Variants in ITPR2 observed in about 807,000 individuals in gnomAD.
The protein encoded by ITPR2 is inositol 1,4,5-trisphosphate receptor type 2.
ITPR2 carries 207 observed loss-of-function variants against 317.1 expected under a neutral mutation model. That is an observed-to-expected ratio of 0.65 (90% confidence interval 0.58 to 0.73). ITPR2 has a LOEUF of 0.73. ITPR2 is among the 30% of genes least tolerant of loss of function. The pLI, the probability that ITPR2 is intolerant of heterozygous loss-of-function variation, is 0.00. For missense variants in ITPR2, 2,613 were observed against 3,284.0 expected (o/e 0.80, Z 4.99); for synonymous variants, 1,156 against 1,149.1 (o/e 1.01, Z -0.12).
chr12:26,621,445 G>A (rs1946492429), intron 25 of ITPR2, 149 bp from the exon 26 acceptor site: 2 of 453,470 alleles, frequency 4.4e-6, no homozygotes, highest in South Asian at 1.5e-4. Flanking sequence ...TTTTTTAAGT[G>A]AGCCCTAGCA....
intron 13 of ITPR2, among the ~76,000 whole-genome samples, chr12:26,675,734 G>C (rs930450290): frequency 3.3e-5 from 5 of 149,924 alleles, no homozygotes; most frequent in African/African-American, 1.2e-4. Flanking sequence ...AAAATTACCA[G>C]TGAAGAATAA....
chr12:26,396,924 T>C (rs1413851036), intron 54 of ITPR2, among the ~76,000 whole-genome samples: 1 of 152,166 alleles, frequency 6.6e-6, no homozygotes, highest in Non-Finnish European at 1.5e-5. Flanking sequence ...AGATTTTATC[T>C]CCTAAATATT....
chr12:26,541,634 T>C lies in ITPR2; in HGVS notation c.5073+8613A>G, dbSNP rs1944265042. ...CTAGAAACTGAAATGAGTATATGCA[T>C]AGATGTGAATGATTCTATACAGATT... On this transcript the variant is annotated intron_variant, in intron 37 of 56. Transcript: ENST00000381340. 2.0e-5 allele frequency among the ~76,000 whole-genome samples: 3 copies of C among 152,196 alleles called. No individual in the cohort carries two copies. In the South Asian group the frequency reaches 6.2e-4, roughly 31 times the overall value.
chr12:26,381,959 C>T (rs1435447119), intron 55 of ITPR2, among the ~76,000 whole-genome samples: 1 of 152,118 alleles, frequency 6.6e-6, no homozygotes, highest in East Asian at 1.9e-4. Context: ...AAAATGACCC[C>T]AAAATGTTAG....
chr12:26,768,994 A>AACACACACACACACACAC (rs143843238), intron 2 of ITPR2, among the ~76,000 whole-genome samples: 36 of 96,906 alleles, frequency 3.7e-4, no homozygotes, highest in East Asian at 9.0e-4. Context: ...CATCCAGTAG[A>AACACACACACACACACAC]ACACACACAC....
chr12:26,745,546 C>T (rs907332425), intron 2 of ITPR2, among the ~76,000 whole-genome samples: 1 of 152,210 alleles, frequency 6.6e-6, no homozygotes, highest in Non-Finnish European at 1.5e-5. Flanking sequence ...CGCTTGAACT[C>T]CTTCCTTAGA....
intron 33 of ITPR2, among the ~76,000 whole-genome samples, chr12:26,579,415 T>C (rs1945343724): frequency 6.6e-6 from 1 of 152,200 alleles, no homozygotes; most frequent in Middle Eastern, 3.2e-3. Context: ...ATTTACTCCC[T>C]GAGTTTTTTT....
rs149999958 is a variant in ITPR2, at chr12:26,718,768, C to A, written c.526-2526G>T. Reference sequence around the variant, plus strand: ...GGGATCACACGTGTGTGCACCATCACACCCAGCTAATTTTTGTATTTTTAG... The same window carrying A: ...GGGATCACACGTGTGTGCACCATCAAACCCAGCTAATTTTTGTATTTTTAG... On this transcript the variant is annotated intron_variant, in intron 5 of 56. Transcript: ENST00000381340. Among the ~76,000 whole-genome samples, 896 of 152,000 alleles carry A rather than the reference C, an allele frequency of 5.9e-3. 15 individuals carry two copies. Among genetic ancestry groups the A allele is most frequent in the African/African-American group, 0.02 (850 of 41,464 alleles).
At chr12:26,531,684 A>ACACAC (rs763717150) in intron 37 of ITPR2, among the ~76,000 whole-genome samples, 18 of 131,532 alleles carry the variant, frequency 1.4e-4, no homozygotes, top group African/African-American at 2.4e-4. Flanking sequence ...CACACACACA[A>ACACAC]GTGTGTATCT....
At chr12:26,685,427 C>T (rs1948107610) in intron 11 of ITPR2, among the ~76,000 whole-genome samples, 1 of 152,058 alleles carries the variant, frequency 6.6e-6, no homozygotes, top group South Asian at 2.1e-4. Flanking sequence ...AAAATACCAT[C>T]TCTACAAAAA....
intron 34 of ITPR2, among the ~76,000 whole-genome samples, chr12:26,565,480 C>T (rs1591906133): frequency 1.4e-5 from 2 of 138,952 alleles, no homozygotes; most frequent in Non-Finnish European, 3.1e-5. Context: ...AATAGATAGA[C>T]AGATGATAGA....
intron 43 of ITPR2, among the ~76,000 whole-genome samples, chr12:26,479,989 A>G (rs1942509520): frequency 6.6e-6 from 1 of 152,250 alleles, no homozygotes; most frequent in African/African-American, 2.4e-5. Flanking sequence ...TGTACTTTCC[A>G]TTGTACTACC....
chr12:26,759,478 G>T (rs1211189715), intron 2 of ITPR2, among the ~76,000 whole-genome samples: 1 of 152,072 alleles, frequency 6.6e-6, no homozygotes, highest in Admixed American at 6.5e-5. Context: ...TTTAAATTAT[G>T]AGGTGTCATC....
intron 52 of ITPR2, among the ~76,000 whole-genome samples, chr12:26,402,472 T>C (rs910955885): frequency 6.6e-6 from 1 of 152,186 alleles, no homozygotes; most frequent in African/African-American, 2.4e-5. Context: ...TCCGAGAATT[T>C]AGAAATAAGA....
At chr12:26,484,338 T>C (rs1158688391) in intron 41 of ITPR2, among the ~76,000 whole-genome samples, 1 of 152,016 alleles carries the variant, frequency 6.6e-6, no homozygotes, top group Non-Finnish European at 1.5e-5. Context: ...ATAAATAATC[T>C]CATATGAACA....
chr12:26,798,176 A>G (rs1478833663), intron 1 of ITPR2, among the ~76,000 whole-genome samples: 1 of 151,748 alleles, frequency 6.6e-6, no homozygotes, highest in East Asian at 1.9e-4. Flanking sequence ...ACGTCATTCA[A>G]CTCCCTCTTT....
At chr12:26,632,599 T>C (rs1436545529) in intron 21 of ITPR2, among the ~76,000 whole-genome samples, 1 of 152,126 alleles carries the variant, frequency 6.6e-6, no homozygotes, top group East Asian at 1.9e-4. Flanking sequence ...TAAGAAAAAA[T>C]AGTCTCATCT....
At chr12:26,661,820 G>A (rs575062232) in intron 15 of ITPR2, among the ~76,000 whole-genome samples, 19 of 152,208 alleles carry the variant, frequency 1.2e-4, no homozygotes, top group Non-Finnish European at 2.1e-4. Context: ...CTCAGGGTCC[G>A]ATACTGGGAG....
chr12:26,541,352 C>G (rs1370545560), intron 37 of ITPR2, among the ~76,000 whole-genome samples: 1 of 151,864 alleles, frequency 6.6e-6, no homozygotes, highest in Non-Finnish European at 1.5e-5. Flanking sequence ...TGCAGGTGCA[C>G]ACAACCACAA....
Sources: allele counts gnomAD v4.1 joint callset (sites outside exome capture counted in the v4.1 genomes callset), GRCh38; gene constraint gnomAD v4.1.1; transcripts MANE v1.5; gene names NCBI Gene and HGNC (gene_info 2026-07-23, HGNC 2026-07-21).